MBTPS2: variants seen among roughly 807,000 people sequenced by gnomAD.
MBTPS2 encodes the protein membrane bound transcription factor peptidase, site 2, also known as membrane-bound transcription factor site-2 protease.
MBTPS2 carries 2 observed loss-of-function variants against 35.4 expected under a neutral mutation model. The ratio of observed to expected loss-of-function variants is 0.06; its 90% CI spans 0.02 to 0.18. MBTPS2 has a LOEUF of 0.18. Ranked by LOEUF, MBTPS2 falls within the 10% of genes least tolerant of loss-of-function variation. The pLI is 1.00. For synonymous variants in MBTPS2, 125 were observed against 140.4 expected, an observed-to-expected ratio of 0.89 and a Z score of 0.77; for missense variants, 244 against 386.5, an observed-to-expected ratio of 0.63 and a Z score of 3.09.
At position 21,853,981 on chromosome X, in the gene MBTPS2, C is replaced by T. The variant is rs1048476117; in HGVS notation, c.670+478C>T. Among the ~76,000 whole-genome samples the T allele has an allele frequency of 5.4e-5, 6 of 111,270 alleles. No homozygotes were observed. In the Admixed American group the frequency reaches 5.8e-4, roughly 11 times the overall value. On this transcript the variant is annotated intron_variant, in intron 5 of 10. Coordinates refer to ENST00000379484, the MANE Select transcript of MBTPS2 (RefSeq NM_015884.4). ...CACAGTTCCAGCTGAGTGAAACTGA[C>T]ATACGACAAATCCATCACAACCCTG...
intron 7 of MBTPS2, among the ~76,000 whole-genome samples, chrX:21,876,578 A>G (rs1423058467): frequency 9.2e-6 from 1 of 109,011 alleles, no homozygotes. Flanking sequence ...AAAAAAAAAA[A>G]GAAAACAGAA....
Position 21,884,281 on chromosome X carries a change from A to T in MBTPS2, c.*1626A>T. The T allele has an allele frequency of 1.3e-6, 1 of 742,843 alleles. No homozygotes were observed. Among genetic ancestry groups the T allele is most frequent in the Non-Finnish European group, 1.6e-6 (1 of 628,526 alleles). The allele number at this position is 742,843 out of a possible 1,213,427, so 61.2% of individuals were successfully genotyped here. ...TTGTTCTATTTTTAGGTAGACAATC[A>T]TTTGGGATCAGAGTACATTAGCATA... On this transcript the variant is annotated 3_prime_UTR_variant, in exon 11 of 11. Coordinates refer to ENST00000379484, the MANE Select transcript of MBTPS2 (RefSeq NM_015884.4).
Position 21,883,141 on chromosome X carries a change from A to G in MBTPS2, c.*486A>G, listed in dbSNP as rs778169654. 1 of 762,233 alleles carries G rather than the reference A, an allele frequency of 1.3e-6. No homozygotes were observed. Among genetic ancestry groups the G allele is most frequent in the East Asian group, 1.3e-4 (1 of 7,897 alleles). The allele number at this position is 762,233 out of a possible 1,213,427, so 62.8% of individuals were successfully genotyped here. On this transcript the variant is annotated 3_prime_UTR_variant, in exon 11 of 11. Transcript: ENST00000379484. ...TGTTTGAAAAGTATTTTAAAACTTAATGGTGTATTATTTTGTGCTCTGAAA... is the reference window on the plus strand; with the variant it reads ...TGTTTGAAAAGTATTTTAAAACTTAGTGGTGTATTATTTTGTGCTCTGAAA...
At chrX:21,855,240 T>C (rs4446856) in intron 5 of MBTPS2, among the ~76,000 whole-genome samples, 6,239 of 110,825 alleles carry the variant, frequency 0.056, 310 homozygotes, top group Admixed American at 0.22. Context: ...AGCAATCAGA[T>C]TGGGGAATGA....
At chrX:21,881,955 A>G (rs1246403253) in intron 10 of MBTPS2, among the ~76,000 whole-genome samples, 1 of 111,847 alleles carries the variant, frequency 8.9e-6, no homozygotes, top group Non-Finnish European at 1.9e-5. Context: ...AACAAAAAAG[A>G]TTGTACTTTA....
intron 7 of MBTPS2, among the ~76,000 whole-genome samples, chrX:21,876,905 A>G (rs2092953779): frequency 8.9e-6 from 1 of 111,914 alleles, no homozygotes; most frequent in South Asian, 3.7e-4. Flanking sequence ...TGTAGTCCTG[A>G]GAAACAGGGA....
At chrX:21,842,432 G>T (rs1569320731) in intron 1 of MBTPS2, among the ~76,000 whole-genome samples, 2 of 103,158 alleles carry the variant, frequency 1.9e-5, no homozygotes, top group East Asian at 6.0e-4. Context: ...GATTGGTAGG[G>T]TTTTTTTTTT....
At chrX:21,856,564 T>C in intron 5 of MBTPS2, 1 of 1,211,981 alleles carries the variant, frequency 8.3e-7, no homozygotes, top group South Asian at 1.8e-5. Context: ...GACATCAATG[T>C]GGAGCCCCTT....
intron 3 of MBTPS2, among the ~76,000 whole-genome samples, chrX:21,847,780 A>C (rs1437233138): frequency 1.8e-5 from 2 of 112,217 alleles, no homozygotes. Flanking sequence ...GGTCAGAGAA[A>C]AGTATAATAC....
chrX:21,859,915 T>A (rs6528061), intron 5 of MBTPS2, among the ~76,000 whole-genome samples: 39,880 of 100,291 alleles, frequency 0.4, 6,342 homozygotes, highest in East Asian at 0.54. Context: ...CAACATGGCA[T>A]AACTCGGTCT....
At chrX:21,856,363 T>TTCTCTGCAGCTCGCGCCTG in intron 5 of MBTPS2, 4 of 780,125 alleles carry the variant, frequency 5.1e-6, no homozygotes, top group East Asian at 3.2e-5. Context: ...GCTCGCGCCT[T>TTCTCTGCAGCTCGCGCCTG]TCTCTGCAGC....
chrX:21,871,859 A>G (rs1041123701), intron 7 of MBTPS2: 2 of 109,506 alleles, frequency 1.8e-5, no homozygotes, highest in Admixed American at 9.8e-5. Flanking sequence ...AATTAGGTCC[A>G]TGGCGTTGAT....
intron 1 of MBTPS2, among the ~76,000 whole-genome samples, chrX:21,842,402 C>T (rs1334220695): frequency 2.7e-5 from 3 of 110,370 alleles, no homozygotes; most frequent in Admixed American, 9.7e-5. Flanking sequence ...AAACACTGAT[C>T]GCAACTGTCC....
In MBTPS2 at chrX:21,856,577, T is replaced by G. The variant is rs146460737; in HGVS notation, c.670+3074T>G. 358 of 1,210,410 alleles carry G rather than the reference T, an allele frequency of 3.0e-4. No homozygotes were observed. The African/African-American group carries it at 5.5e-3, about 19-fold the overall frequency. On this transcript the variant is annotated intron_variant, in intron 5 of 10. Coordinates refer to ENST00000379484, the MANE Select transcript of MBTPS2 (RefSeq NM_015884.4). The stretch of plus-strand genomic sequence containing the variant: ...ACGACATCAATGTGGAGCCCCTTCC[T>G]ATGGAGGACATTCCGACGGAAAGCG...
Position 21,845,344 on chromosome X carries a change from C to A in MBTPS2, c.398C>A (p.Ser133Tyr), listed in dbSNP as rs1336335005. 3 of 1,202,149 alleles carry A rather than the reference C, an allele frequency of 2.5e-6. No individual in the cohort carries two copies. In the African/African-American group the frequency reaches 5.3e-5, roughly 21 times the overall value. ...TCCTCTTCCTCTTCTTCATCTTCTT[C>A]CTCTTCCTCGCTTCACAATGAACAG... is the stretch of plus-strand genomic sequence containing the variant. ...SSSSSSSSSSSSSSLHNEQVL... is the reference protein window; with the variant it reads ...SSSSSSSSSSYSSSLHNEQVL... Residue 133 changes from serine (S) to tyrosine (Y), a missense_variant, in exon 3 of 11, where the codon TCC (serine) becomes TAC (tyrosine). By Grantham distance (144) the Ser-to-Tyr change is moderately radical (BLOSUM62 -2). Transcript: ENST00000379484.
rs746110878 is a variant in MBTPS2 at position 21,857,477 on chromosome X, C to T, written c.670+3974C>T. The T allele has an allele frequency of 3.3e-6, 4 of 1,212,229 alleles. No individual in the cohort carries two copies. The South Asian group carries it at 7.0e-5, about 21-fold the overall frequency. On this transcript the variant is annotated intron_variant, in intron 5 of 10. Transcript: ENST00000379484. ...CCCTTGATTTCAATTTGCGCACACA[C>T]TTGCGCATCCACACCGGCGATAAGC...
intron 5 of MBTPS2, chrX:21,856,328 T>TCCGCAG: frequency 2.0e-6 from 1 of 491,878 alleles, no homozygotes; most frequent in Admixed American, 3.4e-5. Flanking sequence ...CGCGCCTTTC[T>TCCGCAG]CTGCAGCTCG....
chrX:21,871,476 A>G (rs1156256192), intron 7 of MBTPS2: 1 of 111,808 alleles, frequency 8.9e-6, no homozygotes, highest in African/African-American at 3.2e-5. Flanking sequence ...AGTATTTTAA[A>G]GTACATCCCA....
chrX:21,877,666 C>A (rs1399196949), intron 7 of MBTPS2, among the ~76,000 whole-genome samples: 3 of 111,610 alleles, frequency 2.7e-5, no homozygotes, highest in Non-Finnish European at 5.6e-5. Flanking sequence ...CACCACAGTG[C>A]AGGGGTTCAG....
Sources: allele counts gnomAD v4.1 joint callset (sites outside exome capture counted in the v4.1 genomes callset), GRCh38; gene constraint gnomAD v4.1.1; transcripts MANE v1.5; gene names NCBI Gene and HGNC (gene_info 2026-07-23, HGNC 2026-07-21).